The following PPFIA2 variants were observed in gnomAD, a reference collection of about 807,000 sequenced individuals.
PPFIA2 encodes PPFI scaffold protein A2, also known as liprin-alpha-2.
PPFIA2 carries 46 observed loss-of-function variants against 175.5 expected under a neutral mutation model. The ratio of observed to expected loss-of-function variants is 0.26; its 90% CI spans 0.21 to 0.34. PPFIA2 has a LOEUF of 0.34. Ranked by LOEUF, PPFIA2 falls within the 10% of genes least tolerant of loss-of-function variation. The probability of loss-of-function intolerance (pLI) is 1.00; values close to 1 mark genes in which losing one functional copy is unlikely to be tolerated. For missense variants in PPFIA2, 1,179 were observed against 1,506.1 expected (o/e 0.78, Z 3.60); for synonymous variants, 568 against 511.4 (o/e 1.11, Z -1.49).
At chr12:81,440,171 C>T (rs750732850) in intron 6 of PPFIA2, 125 bp from the exon 7 acceptor site, 56 of 573,250 alleles carry the variant, frequency 9.8e-5, no homozygotes, top group African/African-American at 2.0e-4. Flanking sequence ...TATATCCCTG[C>T]GTGCTCAGAA....
chr12:81,380,129 G>A (rs576811969), intron 9 of PPFIA2, among the ~76,000 whole-genome samples: 1 of 152,154 alleles, frequency 6.6e-6, no homozygotes, highest in Admixed American at 6.6e-5. Context: ...CCACTGGGAG[G>A]ATGAGGTGGG....
chr12:81,410,034 C>A (rs901195972), intron 7 of PPFIA2, among the ~76,000 whole-genome samples: 1 of 151,998 alleles, frequency 6.6e-6, no homozygotes, highest in Non-Finnish European at 1.5e-5. Flanking sequence ...ATATAAAAGG[C>A]CTCAAGGGTA....
In PPFIA2 at chr12:81,451,958, C is replaced by T. The variant is rs572497892; in HGVS notation, c.405+5807G>A. Among the ~76,000 whole-genome samples the T allele has an allele frequency of 3.9e-5, 6 of 152,300 alleles. No individual in the cohort carries two copies. In the South Asian group the frequency reaches 1.2e-3, roughly 32 times the overall value. ...CTTTAGCCTAATATTTAATAATTCTCACAGAAAGTACAAATGGAACTCTCT... is the reference window on the plus strand; with the variant it reads ...CTTTAGCCTAATATTTAATAATTCTTACAGAAAGTACAAATGGAACTCTCT... On this transcript the variant is annotated intron_variant, in intron 5 of 32. Transcript: ENST00000549396.
intron 4 of PPFIA2, among the ~76,000 whole-genome samples, chr12:81,591,491 C>G (rs770772893): frequency 2.0e-5 from 3 of 152,142 alleles, no homozygotes; most frequent in Non-Finnish European, 4.4e-5. Flanking sequence ...TGTCAGAGAC[C>G]TTTGTGGCAG....
In PPFIA2 at chr12:81,384,088, T is replaced by C. The variant is rs775954778; in HGVS notation, c.919A>G (p.Thr307Ala). The change falls in exon 9 of 33, where the codon ACA (threonine) becomes GCA (alanine). Residue 307 changes from threonine (T) to alanine (A), a missense_variant. Coordinates refer to ENST00000549396, the MANE Select transcript of PPFIA2 (RefSeq NM_003625.5). ...GTTTTAATGAGATCCTTTCTTGCTGTCTCTGCTTCCTGTTCCACCTCTCCC... is the reference window on the plus strand; with the variant it reads ...GTTTTAATGAGATCCTTTCTTGCTGCCTCTGCTTCCTGTTCCACCTCTCCC... Reference protein sequence around the residue: ...RVGEVEQEAETARKDLIKTEE... With the variant: ...RVGEVEQEAEAARKDLIKTEE... 30 of 1,613,258 alleles carry C rather than the reference T, an allele frequency of 1.9e-5. No individual in the cohort carries two copies. Among genetic ancestry groups the C allele is most frequent in the Non-Finnish European group, 2.5e-5 (29 of 1,179,606 alleles).
At chr12:81,529,559 A>AGAG (rs2064206633) in intron 4 of PPFIA2, among the ~76,000 whole-genome samples, 1 of 145,692 alleles carries the variant, frequency 6.9e-6, no homozygotes, top group African/African-American at 2.6e-5. Context: ...GGGCAGTGGA[A>AGAG]AGAGAGAGAG....
At chr12:81,647,974 A>G (rs758147621) in intron 4 of PPFIA2, among the ~76,000 whole-genome samples, 1 of 147,810 alleles carries the variant, frequency 6.8e-6, no homozygotes, top group South Asian at 2.1e-4. Flanking sequence ...GAAAGCTAGA[A>G]GACAAGGGAG....
chr12:81,399,290 CA>C (rs543794696), intron 8 of PPFIA2, among the ~76,000 whole-genome samples: 549 of 41,994 alleles, frequency 0.013, 1 homozygote, highest in African/African-American at 0.025. Context: ...TCCTTCTTCA[CA>C]AAAAAAAAAA....
intron 3 of PPFIA2, among the ~76,000 whole-genome samples, chr12:81,729,142 G>T (rs2080490683): frequency 6.6e-6 from 1 of 151,344 alleles, no homozygotes; most frequent in African/African-American, 2.4e-5. Flanking sequence ...AAAAAATTAG[G>T]AAGAGAAACA....
At chr12:81,347,843 T>C (rs998812365) in intron 17 of PPFIA2, 73 bp from the exon 18 acceptor site, 2 of 1,542,866 alleles carry the variant, frequency 1.3e-6, no homozygotes, top group Non-Finnish European at 1.7e-6. Context: ...GTAAGGATCA[T>C]TGGAATTCAC....
At chr12:81,645,114 T>C (rs2153523002) in intron 4 of PPFIA2, among the ~76,000 whole-genome samples, 1 of 151,538 alleles carries the variant, frequency 6.6e-6, no homozygotes, top group Admixed American at 6.6e-5. Flanking sequence ...AGTCATATAC[T>C]AAGCACACTT....
Position 81,642,810 on chromosome 12 carries a change from T to TATATTATA in PPFIA2, c.303+33980_303+33981insTATAATAT, listed in dbSNP as rs1555549952. On this transcript the variant is annotated intron_variant, in intron 4 of 32. Transcript: ENST00000549396. ...ACATACATGTATATGTATGTATGTA[T>TATATTATA]TACATACATGTATATGTATGTATGT... Among the ~76,000 whole-genome samples, 8 of 24,680 alleles carry TATATTATA rather than the reference T, an allele frequency of 3.2e-4. 3 individuals are homozygous for TATATTATA. Among genetic ancestry groups the TATATTATA allele is most frequent in the East Asian group, 3.5e-3 (2 of 570 alleles). 16.2% of individuals were successfully genotyped at this position (24,680 alleles called of 152,430 possible). A position where few individuals can be genotyped will look rare whatever the true frequency, so the allele number is the denominator to read the frequency against.
At chr12:81,358,423 C>T (rs2061163238) in intron 15 of PPFIA2, among the ~76,000 whole-genome samples, 1 of 152,126 alleles carries the variant, frequency 6.6e-6, no homozygotes, top group African/African-American at 2.4e-5. Context: ...TCCTGAAAGT[C>T]AAGTGCACTT....
chr12:81,380,094 C>T (rs1023187013), intron 9 of PPFIA2, among the ~76,000 whole-genome samples: 1 of 152,096 alleles, frequency 6.6e-6, no homozygotes, highest in Non-Finnish European at 1.5e-5. Context: ...ACTTGCAATC[C>T]GTGGCTTATG....
chr12:81,314,321 T>C (rs1291836755), intron 22 of PPFIA2, among the ~76,000 whole-genome samples: 1 of 151,962 alleles, frequency 6.6e-6, no homozygotes, highest in African/African-American at 2.4e-5. Context: ...TATTTATTTA[T>C]AGTAGCATAT....
rs887116560 is a variant in PPFIA2 at position 81,367,022 on chromosome 12, T to G, written c.1545+86A>C. The stretch of plus-strand genomic sequence containing the variant: ...AAGATAGCATACTAAAATTATTTTT[T>G]CAAATTTATTTTACAACAAAACATT... On this transcript the variant is annotated intron_variant, in intron 14 of 32. Transcript: ENST00000549396. 1.9e-5 allele frequency: 25 copies of G among 1,314,170 alleles called. 1 individual carries two copies. The Admixed American group carries it at 8.3e-4, about 44-fold the overall frequency. The allele number at this position is 1,314,170 out of a possible 1,614,324, so 81.4% of individuals were successfully genotyped here.
At chr12:81,696,627 T>C (rs2075924491) in intron 3 of PPFIA2, among the ~76,000 whole-genome samples, 1 of 152,154 alleles carries the variant, frequency 6.6e-6, no homozygotes, top group Non-Finnish European at 1.5e-5. Flanking sequence ...GGGTCTCTTA[T>C]ACTCATCCTG....
intron 4 of PPFIA2, among the ~76,000 whole-genome samples, chr12:81,595,435 T>A (rs1385590319): frequency 6.6e-6 from 1 of 152,114 alleles, no homozygotes; most frequent in Non-Finnish European, 1.5e-5. Flanking sequence ...ATTCTAGAAC[T>A]TGACTTTTGA....
intron 7 of PPFIA2, chr12:81,430,470 A>G (rs2047894589): frequency 6.6e-6 from 1 of 151,996 alleles, no homozygotes; most frequent in African/African-American, 2.4e-5. Context: ...CATATCAGAC[A>G]TAATCCTCCA....
Sources: allele counts gnomAD v4.1 joint callset (sites outside exome capture counted in the v4.1 genomes callset), GRCh38; gene constraint gnomAD v4.1.1; transcripts MANE v1.5; gene names NCBI Gene and HGNC (gene_info 2026-07-23, HGNC 2026-07-21).